The following CRY1 variants were observed in gnomAD, a reference collection of about 807,000 sequenced individuals.
CRY1 encodes cryptochrome-1.
In CRY1, 45 loss-of-function variants were observed where a neutral mutation model predicts 76.0. The observed-to-expected ratio is 0.59, with a 90% CI of 0.47 to 0.76. CRY1 has a LOEUF of 0.76. Ranked by LOEUF, CRY1 falls within the 30% of genes least tolerant of loss-of-function variation. CRY1 has a pLI of 0.00. For missense variants in CRY1, 587 were observed against 716.4 expected (o/e 0.82, Z 2.06); for synonymous variants, 248 against 244.0 (o/e 1.02, Z -0.15).
chr12:106,999,593 C>A lies in CRY1; in HGVS notation c.1095G>T (p.Leu365=), dbSNP rs1195588113. The A allele has an allele frequency of 6.2e-6, 10 of 1,613,974 alleles. No individual in the cohort carries two copies. Among genetic ancestry groups the A allele is most frequent in the Non-Finnish European group, 8.5e-6 (10 of 1,180,012 alleles). The change falls in exon 7 of 13, where the codon CTG becomes CTT. Residue 365 remains leucine (L), a synonymous_variant. Coordinates refer to ENST00000008527, the MANE Select transcript of CRY1 (RefSeq NM_004075.5). ...AACTAATCCACAGGTCCCCTCGTGT[C>A]AGGAAGCAAGCAACTGCATGCCTGG... ...HLARHAVACF[L]TRGDLWISWE...
intron 1 of CRY1, among the ~76,000 whole-genome samples, chr12:107,026,739 AGTT>A (rs772123618): frequency 4.0e-5 from 6 of 150,580 alleles, no homozygotes; most frequent in Non-Finnish European, 8.9e-5. Flanking sequence ...ATCAAACAGA[AGTT>A]GTTATTTTCC....
rs539528558 is a variant in CRY1, at chr12:107,008,833, G to A, written c.268-3585C>T. ...ATAGTGAATAAGTCTCACAAGGTCTGATGGTTTTTTTAAAGGGCAGTTCCC... is the reference window on the plus strand; with the variant it reads ...ATAGTGAATAAGTCTCACAAGGTCTAATGGTTTTTTTAAAGGGCAGTTCCC... On this transcript the variant is annotated intron_variant, in intron 2 of 12. Transcript: ENST00000008527. Among the ~76,000 whole-genome samples the A allele has an allele frequency of 5.3e-5, 8 of 152,306 alleles. No individual in the cohort carries two copies. In the East Asian group the frequency reaches 1.5e-3, roughly 29 times the overall value.
rs1172419006 is a variant in CRY1, at chr12:107,066,250, C to T, written c.158+26554G>A. On this transcript the variant is annotated intron_variant, in intron 1 of 12. Coordinates refer to ENST00000008527, the MANE Select transcript of CRY1 (RefSeq NM_004075.5). ...TCTAAAATAATTTTTAAAAGTTTAT[C>T]CTAAGTTTAGCTATTCTTACATTTT... Among the ~76,000 whole-genome samples the T allele has an allele frequency of 2.0e-5, 3 of 152,104 alleles. No individual in the cohort carries two copies. In the East Asian group the frequency reaches 5.8e-4, roughly 29 times the overall value.
In CRY1 at chr12:106,992,900, T is replaced by G; in HGVS notation, c.1658-10A>C. ...CCCATGGAGCTTCTTCCTGCACATT[T>G]AAAAAATGTATGTTTAAGATAGGAA... On this transcript the variant is annotated splice_polypyrimidine_tract_variant and intron_variant, in intron 11 of 12. Transcript: ENST00000008527. The G allele has an allele frequency of 6.2e-7, 1 of 1,613,934 alleles. No individual in the cohort carries two copies. Among genetic ancestry groups the G allele is most frequent in the Non-Finnish European group, 8.5e-7 (1 of 1,179,902 alleles).
chr12:107,056,987 A>T (rs1952991291), intron 1 of CRY1, among the ~76,000 whole-genome samples: 1 of 152,188 alleles, frequency 6.6e-6, no homozygotes, highest in African/African-American at 2.4e-5. Context: ...CACTAAAAAA[A>T]ATTCTAAATG....
At chr12:107,089,299 T>C (rs1159282411) in intron 1 of CRY1, among the ~76,000 whole-genome samples, 1 of 152,196 alleles carries the variant, frequency 6.6e-6, no homozygotes, top group African/African-American at 2.4e-5. Flanking sequence ...CATGTTATTC[T>C]GAGACAATGT....
intron 1 of CRY1, among the ~76,000 whole-genome samples, chr12:107,090,664 G>A (rs1479915449): frequency 2.0e-5 from 3 of 152,114 alleles, no homozygotes; most frequent in Non-Finnish European, 4.4e-5. Flanking sequence ...AACAGTGCCT[G>A]GCATATAGTA....
intron 2 of CRY1, among the ~76,000 whole-genome samples, chr12:107,017,171 G>A (rs951914545): frequency 1.2e-4 from 18 of 152,340 alleles, no homozygotes; most frequent in Non-Finnish European, 8.8e-5. Context: ...AAAGGCTGAA[G>A]CTCCTAACAT....
At chr12:107,074,466 A>G (rs953446697) in intron 1 of CRY1, among the ~76,000 whole-genome samples, 1 of 152,232 alleles carries the variant, frequency 6.6e-6, no homozygotes, top group South Asian at 2.1e-4. Flanking sequence ...TAAAAATGGC[A>G]AAAGTAACCA....
Position 107,093,125 on chromosome 12 carries a change from C to T in CRY1, c.-164G>A, listed in dbSNP as rs1012013682. 1 of 826,626 alleles carries T rather than the reference C, an allele frequency of 1.2e-6. No homozygotes were observed. The highest frequency in any genetic ancestry group is 3.3e-5 in the Admixed American group (1 of 29,910). The allele number at this position is 826,626 out of a possible 1,614,324, so 51.2% of individuals were successfully genotyped here. Reference sequence around the variant, plus strand: ...ACTCCGAGGAGGGGACCGGAGAAGGCGGGGGCGCCGGAGGCGCAGTGGAAA... The same window carrying T: ...ACTCCGAGGAGGGGACCGGAGAAGGTGGGGGCGCCGGAGGCGCAGTGGAAA... On this transcript the variant is annotated 5_prime_UTR_variant, in exon 1 of 13. Transcript: ENST00000008527.
chr12:107,033,344 T>C lies in CRY1; in HGVS notation c.159-11152A>G, dbSNP rs187610864. ...AAAATATTTAAGGAATAGATAATTC[T>C]ATTTTTACAAAGGATTCCAATCTCA... On this transcript the variant is annotated intron_variant, in intron 1 of 12. Transcript: ENST00000008527. Among the ~76,000 whole-genome samples the C allele has an allele frequency of 9.2e-5, 14 of 152,298 alleles. No individual in the cohort carries two copies. In the East Asian group the frequency reaches 2.7e-3, roughly 29 times the overall value.
intron 1 of CRY1, among the ~76,000 whole-genome samples, chr12:107,065,345 C>A (rs1953097305): frequency 6.6e-6 from 1 of 151,974 alleles, no homozygotes; most frequent in African/African-American, 2.4e-5. Context: ...GTAATCCCAG[C>A]ACTTTGGGAA....
At chr12:107,021,668 A>C (rs977229828) in intron 2 of CRY1, among the ~76,000 whole-genome samples, 1 of 152,150 alleles carries the variant, frequency 6.6e-6, no homozygotes, top group Non-Finnish European at 1.5e-5. Context: ...AGTAACACAG[A>C]CACAAACACA....
At chr12:107,086,050 T>C (rs937203422) in intron 1 of CRY1, among the ~76,000 whole-genome samples, 2 of 152,124 alleles carry the variant, frequency 1.3e-5, no homozygotes, top group African/African-American at 4.8e-5. Context: ...GGCCACATTA[T>C]ATGTTATGCT....
chr12:107,073,803 C>G (rs1953219781), intron 1 of CRY1, among the ~76,000 whole-genome samples: 1 of 152,112 alleles, frequency 6.6e-6, no homozygotes, highest in South Asian at 2.1e-4. Flanking sequence ...TCACCCATTA[C>G]CCTAATTTTA....
chr12:107,002,064 G>A (rs1952318595), intron 3 of CRY1, 116 bp from the exon 4 acceptor site: 2 of 818,014 alleles, frequency 2.4e-6, no homozygotes, highest in Non-Finnish European at 3.7e-6. Flanking sequence ...AAGTCTTTGA[G>A]GGTGTTAGCT....
At chr12:107,000,392 C>T (rs1447996546) in intron 5 of CRY1, among the ~76,000 whole-genome samples, 1 of 152,010 alleles carries the variant, frequency 6.6e-6, no homozygotes, top group Non-Finnish European at 1.5e-5. Flanking sequence ...CGCTCTGTCA[C>T]CCAGGCTGGA....
At chr12:107,013,490 T>A (rs554176223) in intron 2 of CRY1, among the ~76,000 whole-genome samples, 12 of 152,184 alleles carry the variant, frequency 7.9e-5, no homozygotes, top group Non-Finnish European at 1.6e-4. Flanking sequence ...AACAAAAAAA[T>A]TGTGACTTGC....
At position 106,998,087 on chromosome 12, in the gene CRY1, A is replaced by T. The variant is rs369462515; in HGVS notation, c.1138-21T>A. Reference sequence around the variant, plus strand: ...AATACCTTCAGAAGTAACAGTAACCAATTAGTTTGCACACACATAATTCGC... The same window carrying T: ...AATACCTTCAGAAGTAACAGTAACCTATTAGTTTGCACACACATAATTCGC... On this transcript the variant is annotated intron_variant, in intron 7 of 12. Transcript: ENST00000008527. 2.5e-6 allele frequency: 4 copies of T among 1,613,148 alleles called. No individual in the cohort carries two copies. In the African/African-American group the frequency reaches 5.3e-5, roughly 22 times the overall value.
Sources: allele counts gnomAD v4.1 joint callset (sites outside exome capture counted in the v4.1 genomes callset), GRCh38; gene constraint gnomAD v4.1.1; transcripts MANE v1.5; gene names NCBI Gene and HGNC (gene_info 2026-07-23, HGNC 2026-07-21).